Variants in COL5A1 observed in about 807,000 individuals in gnomAD.
COL5A1 encodes the protein collagen alpha-1(V) chain.
In COL5A1, 16 loss-of-function variants were observed where a neutral mutation model predicts 263.7. The ratio of observed to expected loss-of-function variants is 0.06; its 90% confidence interval spans 0.04 to 0.09. COL5A1 has a LOEUF of 0.09. COL5A1 is among the 10% of genes least tolerant of loss of function. The pLI is 1.00. For missense variants in COL5A1, 2,036 were observed against 2,540.5 expected (o/e 0.80, Z 4.27); for synonymous variants, 1,012 against 1,004.5 (o/e 1.01, Z -0.14).
chr9:134,785,015 G>A lies in COL5A1; in HGVS notation c.2511G>A (p.Arg837=). 1 of 1,613,414 alleles carries A rather than the reference G, an allele frequency of 6.2e-7. No homozygotes were observed. The highest frequency in any genetic ancestry group is 8.5e-7 in the Non-Finnish European group (1 of 1,180,014). ...DRGEIGPPGP[R]GEDGPEGPKG... ...GGGAGATCGGCCCACCCGGTCCCAGGGGAGAAGATGGCCCTGAAGGCCCAA... is the reference window on the plus strand; with the variant it reads ...GGGAGATCGGCCCACCCGGTCCCAGAGGAGAAGATGGCCCTGAAGGCCCAA... Residue 837 remains arginine, a synonymous_variant, in exon 30 of 66, where the codon AGG becomes AGA. Coordinates refer to ENST00000371817, the MANE Select transcript of COL5A1 (RefSeq NM_000093.5).
intron 4 of COL5A1, among the ~76,000 whole-genome samples, chr9:134,722,680 T>G (rs80251573): frequency 0.031 from 4,697 of 152,354 alleles, 85 homozygotes; most frequent in Non-Finnish European, 0.041. Flanking sequence ...ACATATTTTA[T>G]TTGAATTGGA....
At chr9:134,667,418 G>C (rs939933180) in intron 1 of COL5A1, among the ~76,000 whole-genome samples, 34 of 152,186 alleles carry the variant, frequency 2.2e-4, no homozygotes, top group Admixed American at 2.2e-3. Context: ...ATTTGCAGTG[G>C]GATGGGCTCT....
At chr9:134,796,349 T>C (rs1196930675) in intron 34 of COL5A1, 25 bp from the exon 35 acceptor site, 1 of 1,608,936 alleles carries the variant, frequency 6.2e-7, no homozygotes, top group South Asian at 1.1e-5. Flanking sequence ...TCATAAGCTT[T>C]TCCCCCCTCT....
chr9:134,718,977 G>T (rs1834360623), intron 4 of COL5A1, among the ~76,000 whole-genome samples: 1 of 152,210 alleles, frequency 6.6e-6, no homozygotes, highest in African/African-American at 2.4e-5. Flanking sequence ...AAACACCAGG[G>T]TCTTTCCCGA....
chr9:134,664,847 A>G (rs1832310016), intron 1 of COL5A1, among the ~76,000 whole-genome samples: 1 of 152,198 alleles, frequency 6.6e-6, no homozygotes, highest in Non-Finnish European at 1.5e-5. Flanking sequence ...GGATCAACTG[A>G]GCCCAGGAGT....
At chr9:134,698,561 T>TTGGAAGCCTCAGGATGCTG (rs1287287361) in intron 2 of COL5A1, among the ~76,000 whole-genome samples, 4 of 152,188 alleles carry the variant, frequency 2.6e-5, no homozygotes, top group Non-Finnish European at 5.9e-5. Flanking sequence ...CTCCTCCCCC[T>TTGGAAGCCTCAGGATGCTG]TGGAAGCCTC....
intron 32 of COL5A1, among the ~76,000 whole-genome samples, chr9:134,790,146 C>T (rs1022243556): frequency 1.1e-4 from 16 of 152,352 alleles, no homozygotes; most frequent in African/African-American, 3.1e-4. Flanking sequence ...CCCTCTTGGG[C>T]CTGTCCCTCC....
At chr9:134,653,884 T>G (rs565452232) in intron 1 of COL5A1, among the ~76,000 whole-genome samples, 1 of 135,722 alleles carries the variant, frequency 7.4e-6, no homozygotes. Flanking sequence ...GTAGGGCTGG[T>G]GTCTGTATGG....
rs1343284044 is a variant in COL5A1, at chr9:134,738,519, AGTATCC to A, written c.1431+6_1431+11del. 1 of 1,613,840 alleles carries A rather than the reference AGTATCC, an allele frequency of 6.2e-7. No homozygotes were observed. The highest frequency in any genetic ancestry group is 8.5e-7 in the Non-Finnish European group (1 of 1,180,024). ...GCCTGGCCCAGAAGGCCCCGCGGTG[AGTATCC>A]GGCTTTATCCTGTGACTTGCAGAAG... On this transcript the variant is annotated splice_donor_5th_base_variant and intron_variant, in intron 10 of 65. Transcript: ENST00000371817.
intron 63 of COL5A1, among the ~76,000 whole-genome samples, chr9:134,827,849 C>G (rs1839353521): frequency 6.6e-6 from 1 of 152,264 alleles, no homozygotes; most frequent in Admixed American, 6.5e-5. Flanking sequence ...CAGGAAGAAG[C>G]TGCCTTCACG....
chr9:134,706,669 T>C (rs1182756789), intron 4 of COL5A1, among the ~76,000 whole-genome samples: 1 of 152,200 alleles, frequency 6.6e-6, no homozygotes, highest in African/African-American at 2.4e-5. Context: ...GTCCCCAGCC[T>C]GGAAGGGATC....
chr9:134,815,681 C>A, intron 51 of COL5A1, 52 bp downstream of exon 51: 1 of 1,571,752 alleles, frequency 6.4e-7, no homozygotes, highest in Non-Finnish European at 8.7e-7. Context: ...GCTGGCCTGC[C>A]TCTGCCAGCC....
rs879505610 is a variant in COL5A1, at chr9:134,821,905, C to G, written c.4555-192C>G. Among the ~76,000 whole-genome samples the G allele has an allele frequency of 6.6e-6, 1 of 152,182 alleles. No homozygotes were observed. The highest frequency in any genetic ancestry group is 2.4e-5 in the African/African-American group (1 of 41,442). On this transcript the variant is annotated intron_variant, in intron 58 of 65. Coordinates refer to ENST00000371817, the MANE Select transcript of COL5A1 (RefSeq NM_000093.5). This position sits in a 1 kb window ranked among gnomAD's most constrained non-coding sequence, Gnocchi z 4.2. ...AGGGCTGGCAGCCTTGGGGTGGATGCTCAGGTCGATGGCTCCCCTGACATG... is the reference window on the plus strand; with the variant it reads ...AGGGCTGGCAGCCTTGGGGTGGATGGTCAGGTCGATGGCTCCCCTGACATG...
At chr9:134,732,225 A>C (rs1337404921) in intron 9 of COL5A1, 98 bp downstream of exon 9, 4 of 1,260,590 alleles carry the variant, frequency 3.2e-6, no homozygotes, top group Non-Finnish European at 4.7e-6. Context: ...GGGCCCCTGC[A>C]CCTGCGCGCA....
At chr9:134,711,403 A>T (rs950953048) in intron 4 of COL5A1, among the ~76,000 whole-genome samples, 1 of 152,106 alleles carries the variant, frequency 6.6e-6, no homozygotes, top group Non-Finnish European at 1.5e-5. Context: ...CCCAGAGCAC[A>T]TGGAAAATCT....
chr9:134,759,811 C>CAT (rs1836220495), intron 18 of COL5A1, among the ~76,000 whole-genome samples: 2 of 114,544 alleles, frequency 1.7e-5, no homozygotes, highest in Admixed American at 8.8e-5. Context: ...CACATGCACA[C>CAT]ACGCATACAC....
At chr9:134,773,878 G>A (rs759607194) in intron 26 of COL5A1, among the ~76,000 whole-genome samples, 106 of 152,326 alleles carry the variant, frequency 7.0e-4, no homozygotes, top group Non-Finnish European at 1.0e-3. Context: ...CAGCCACTGG[G>A]GTGAACCCTC....
chr9:134,717,254 G>A lies in COL5A1; in HGVS notation c.655-10012G>A, dbSNP rs529989645. ...CTGGCAGTGTCTGTCAGAATCCGCC[G>A]GGCCCAGCGGGAGGGAAGCCCCGTG... On this transcript the variant is annotated intron_variant, in intron 4 of 65. Coordinates refer to ENST00000371817, the MANE Select transcript of COL5A1 (RefSeq NM_000093.5). Among the ~76,000 whole-genome samples the A allele has an allele frequency of 9.8e-3, 1,437 of 146,394 alleles. 14 individuals carry two copies. The highest frequency in any genetic ancestry group is 0.022 in the Middle Eastern group (6 of 278).
At chr9:134,812,759 AGTGT>A (rs375849402) in intron 48 of COL5A1, 47 bp downstream of exon 48, 1 of 969,684 alleles carries the variant, frequency 1.0e-6, no homozygotes, top group Non-Finnish European at 1.5e-6. Flanking sequence ...TTGTTTGAGG[AGTGT>A]GTGTGTGTGT....
Sources: allele counts gnomAD v4.1 joint callset (sites outside exome capture counted in the v4.1 genomes callset), GRCh38; gene constraint gnomAD v4.1.1; non-coding constraint Gnocchi (gnomAD v3.1); transcripts MANE v1.5; gene names NCBI Gene and HGNC (gene_info 2026-07-23, HGNC 2026-07-21).